ING5: variants seen among roughly 807,000 people sequenced by gnomAD.
ING5 encodes the protein inhibitor of growth family member 5.
ING5 carries 17 observed loss-of-function variants against 37.4 expected under a neutral mutation model. The observed-to-expected ratio is 0.45, with a 90% CI of 0.31 to 0.68. The LOEUF (loss-of-function observed/expected upper bound fraction) is 0.68, where lower values mean the gene tolerates loss of function less well. Among genes scored for constraint, ING5 ranks in the 30% least tolerant of loss-of-function variants. The pLI is 0.05. For missense variants in ING5, 233 were observed against 311.9 expected (o/e 0.75, Z 1.91); for synonymous variants, 123 against 116.6 (o/e 1.06, Z -0.36).
At chr2:241,720,387 C>T in intron 5 of ING5, 7 of 1,166,120 alleles carry the variant, frequency 6.0e-6, no homozygotes, top group Non-Finnish European at 7.4e-6. Context: ...CTGTGGACTG[C>T]CCTCTTCAGG....
At chr2:241,688,822 G>C (rs2069499997) in intron 1 of ING5, among the ~76,000 whole-genome samples, 1 of 150,882 alleles carries the variant, frequency 6.6e-6, no homozygotes, top group African/African-American at 2.4e-5. Flanking sequence ...TTTTTGAGAT[G>C]GAGTCTTGCT....
rs756906037 is a variant in ING5 at position 241,723,254 on chromosome 2, G to A, written c.663G>A (p.Thr221=). ...ACTTTGCCTGCGTGGACCTTACCAC[G>A]AAACCCAAAGGAAAATGGTGAGTGT... ...WFHFACVDLT[T]KPKGKWFCPR... Residue 221 remains threonine (T), a synonymous_variant, in exon 7 of 8, where the codon ACG becomes ACA. Coordinates refer to ENST00000313552, the MANE Select transcript of ING5 (RefSeq NM_032329.6). 26 of 1,614,088 alleles carry A rather than the reference G, an allele frequency of 1.6e-5. No homozygotes were observed. The highest frequency in any genetic ancestry group is 4.0e-5 in the African/African-American group (3 of 74,954).
intron 5 of ING5, among the ~76,000 whole-genome samples, chr2:241,715,348 C>G (rs1382627194): frequency 4.6e-5 from 7 of 151,924 alleles, no homozygotes; most frequent in African/African-American, 1.7e-4. Context: ...GTGCATGCCA[C>G]CATGCCTGGC....
intron 1 of ING5, among the ~76,000 whole-genome samples, chr2:241,703,001 G>A (rs908080955): frequency 6.6e-6 from 1 of 152,204 alleles, no homozygotes; most frequent in African/African-American, 2.4e-5. Context: ...CGAGTGAGCC[G>A]TGGCCTGGAG....
chr2:241,726,988 G>C lies in ING5; in HGVS notation c.*1957G>C, dbSNP rs1238481782. The C allele has an allele frequency of 6.6e-6, 1 of 152,162 alleles. No homozygotes were observed. Among genetic ancestry groups the C allele is most frequent in the Admixed American group, 6.6e-5 (1 of 15,266 alleles). 9.4% of individuals were successfully genotyped at this position (152,162 alleles called of 1,614,324 possible). A position where few individuals can be genotyped will look rare whatever the true frequency, so the allele number is the denominator to read the frequency against. ...TTTTTTATATTTTTAGTAGAGACAG[G>C]GTTTCACCATGTTAACCAGGATGGT... On this transcript the variant is annotated 3_prime_UTR_variant, in exon 8 of 8. Coordinates refer to ENST00000313552, the MANE Select transcript of ING5 (RefSeq NM_032329.6).
At chr2:241,694,474 G>C (rs1162556231) in intron 2 of ING5, among the ~76,000 whole-genome samples, 1 of 151,784 alleles carries the variant, frequency 6.6e-6, no homozygotes, top group Non-Finnish European at 1.5e-5. Context: ...AGATATAAAG[G>C]AGAAAAGGAC....
chr2:241,691,074 C>T (rs1177541545), intron 2 of ING5, among the ~76,000 whole-genome samples: 1 of 151,574 alleles, frequency 6.6e-6, no homozygotes, highest in East Asian at 2.0e-4. Context: ...CCTCCCAAAG[C>T]GCTGGGATTA....
upstream of ING5, among the ~76,000 whole-genome samples, chr2:241,700,331 GTAGTTTTA>G (rs2069696737): frequency 1.3e-5 from 2 of 151,044 alleles, no homozygotes; most frequent in Non-Finnish European, 3.0e-5. Flanking sequence ...TAATTTTTTT[GTAGTTTTA>G]GTAGAGATGG....
At chr2:241,720,432 T>G in intron 5 of ING5, 1 of 1,084,000 alleles carries the variant, frequency 9.2e-7, no homozygotes. Flanking sequence ...CTTCCTGGAA[T>G]GCAGTGTTCC....
At chr2:241,706,373 T>TA (rs1286074044) in intron 2 of ING5, among the ~76,000 whole-genome samples, 1 of 152,070 alleles carries the variant, frequency 6.6e-6, no homozygotes, top group Non-Finnish European at 1.5e-5. Flanking sequence ...CTCATGCCTG[T>TA]AATCCCAGCA....
At chr2:241,702,270 A>G (rs1057095356) in intron 1 of ING5, among the ~76,000 whole-genome samples, 168 bp downstream of exon 1, 1 of 139,758 alleles carries the variant, frequency 7.2e-6, no homozygotes, top group Non-Finnish European at 1.6e-5. Context: ...GCCGCAAGGG[A>G]GGGGAGGGCG....
intron 2 of ING5, among the ~76,000 whole-genome samples, chr2:241,691,743 C>A (rs1015788176): frequency 7.2e-5 from 11 of 152,044 alleles, no homozygotes; most frequent in Admixed American, 3.3e-4. Flanking sequence ...CCAGCCCTAT[C>A]GGATTAGGGT....
chr2:241,715,531 T>C (rs764219033), intron 5 of ING5, among the ~76,000 whole-genome samples: 109 of 143,638 alleles, frequency 7.6e-4, no homozygotes, highest in Non-Finnish European at 3.2e-4. Context: ...TGCCCAGGCT[T>C]GAGTGCAGTG....
At chr2:241,715,085 C>G (rs1282322242) in intron 5 of ING5, among the ~76,000 whole-genome samples, 2 of 151,982 alleles carry the variant, frequency 1.3e-5, no homozygotes, top group Non-Finnish European at 2.9e-5. Flanking sequence ...CTTCCTTGTT[C>G]TAATTATTAT....
chr2:241,691,562 G>C (rs1389965750), intron 2 of ING5, among the ~76,000 whole-genome samples: 1 of 151,962 alleles, frequency 6.6e-6, no homozygotes, highest in Non-Finnish European at 1.5e-5. Context: ...CAGTGGGCTG[G>C]GGCTGTCACG....
At chr2:241,693,290 C>T (rs2069584046) in intron 2 of ING5, among the ~76,000 whole-genome samples, 4 of 148,378 alleles carry the variant, frequency 2.7e-5, no homozygotes, top group Admixed American at 2.7e-4. Context: ...TCCTTAAGGG[C>T]CCTATCTACA....
chr2:241,711,995 G>A lies in ING5; in HGVS notation c.406G>A (p.Glu136Lys). Residue 136 changes from glutamate to lysine, a missense_variant, in exon 5 of 8, where the codon GAA becomes AAA. By Grantham distance (56) the Glu-to-Lys change is moderately conservative (BLOSUM62 1). Coordinates refer to ENST00000313552, the MANE Select transcript of ING5 (RefSeq NM_032329.6). ...TTTTTCAGAAGGCCGGGGTCAGAAA[G>A]AAAAAAGAGGGTCCCGGGGCCGAGG... is the stretch of plus-strand genomic sequence containing the variant. ...RGLKKGRGQK[E>K]KRGSRGRGRR... 6.2e-7 allele frequency: 1 copy of A among 1,608,282 alleles called. No individual in the cohort carries two copies. Among genetic ancestry groups the A allele is most frequent in the Non-Finnish European group, 8.5e-7 (1 of 1,177,980 alleles).
intron 3 of ING5, 44 bp downstream of exon 3, chr2:241,709,426 T>C: frequency 6.5e-7 from 1 of 1,540,640 alleles, no homozygotes; most frequent in Non-Finnish European, 8.8e-7. Flanking sequence ...TGACCTCTAC[T>C]CCTGCCTCTC....
chr2:241,702,624 C>T (rs1013760170), intron 1 of ING5, among the ~76,000 whole-genome samples: 4 of 152,168 alleles, frequency 2.6e-5, no homozygotes, highest in Non-Finnish European at 4.4e-5. Flanking sequence ...CGCGGGGCGT[C>T]TCTCCCCGGC....
Sources: allele counts gnomAD v4.1 joint callset (sites outside exome capture counted in the v4.1 genomes callset), GRCh38; gene constraint gnomAD v4.1.1; transcripts MANE v1.5; gene names NCBI Gene and HGNC (gene_info 2026-07-23, HGNC 2026-07-21).